SORCS1: variants seen among roughly 807,000 people sequenced by gnomAD.
The protein encoded by SORCS1 is sortilin related VPS10 domain containing receptor 1.
In SORCS1, 60 loss-of-function variants were observed where a neutral mutation model predicts 146.1. The ratio of observed to expected loss-of-function variants is 0.41; its 90% CI spans 0.33 to 0.51. The LOEUF is 0.51. SORCS1 is among the 20% of genes least tolerant of loss of function. The probability of loss-of-function intolerance (pLI) is 0.21; values close to 1 mark genes in which losing one functional copy is unlikely to be tolerated. For missense variants in SORCS1, 1,352 were observed against 1,487.6 expected (o/e 0.91, Z 1.50); for synonymous variants, 637 against 584.0 (o/e 1.09, Z -1.31).
chr10:107,140,869 G>A lies in SORCS1; in HGVS notation c.558+23100C>T, dbSNP rs61867254. ...AGTTTCATTTTATGAATGATGAAAT[G>A]ATCTTGGAAAAATTAAATGACCAGT... On this transcript the variant is annotated intron_variant, in intron 1 of 25. Coordinates refer to ENST00000263054, the MANE Select transcript of SORCS1 (RefSeq NM_052918.5). Among the ~76,000 whole-genome samples the A allele has an allele frequency of 9.2e-3, 1,406 of 152,262 alleles. 11 individuals are homozygous for A. Among genetic ancestry groups the A allele is most frequent in the Middle Eastern group, 0.031 (9 of 294 alleles).
At chr10:107,057,815 T>G (rs1384525844) in intron 1 of SORCS1, among the ~76,000 whole-genome samples, 1 of 152,190 alleles carries the variant, frequency 6.6e-6, no homozygotes, top group Non-Finnish European at 1.5e-5. Flanking sequence ...TTGTGTTTTG[T>G]TTCCTTGTTT....
intron 1 of SORCS1, among the ~76,000 whole-genome samples, chr10:106,992,893 G>A (rs11193148): frequency 0.14 from 18,715 of 130,670 alleles, 4,034 homozygotes; most frequent in African/African-American, 0.48. Context: ...GCACAGTGGC[G>A]CGATCTAGGC....
chr10:106,619,242 G>A (rs945390665), intron 20 of SORCS1, among the ~76,000 whole-genome samples: 2 of 152,132 alleles, frequency 1.3e-5, no homozygotes, highest in African/African-American at 4.8e-5. Context: ...CTGCTCTTCC[G>A]CTATGGATAG....
At chr10:106,604,968 C>T (rs1390478061) in intron 23 of SORCS1, among the ~76,000 whole-genome samples, 1 of 152,240 alleles carries the variant, frequency 6.6e-6, no homozygotes, top group African/African-American at 2.4e-5. Context: ...CTTGTCCTCA[C>T]TTTCCTCATC....
chr10:106,896,152 G>A (rs10884371), intron 2 of SORCS1, among the ~76,000 whole-genome samples: 51,249 of 151,936 alleles, frequency 0.34, 9,272 homozygotes, highest in Non-Finnish European at 0.41. Flanking sequence ...GTAGAGGCCG[G>A]GTGCAGTGGC....
intron 1 of SORCS1, among the ~76,000 whole-genome samples, chr10:107,122,532 G>A (rs1232638515): frequency 6.6e-6 from 1 of 152,194 alleles, no homozygotes; most frequent in Non-Finnish European, 1.5e-5. Context: ...AATAAGGTAA[G>A]ACCCTAATCT....
intron 1 of SORCS1, among the ~76,000 whole-genome samples, chr10:107,005,104 T>G (rs1270923510): frequency 1.8e-4 from 28 of 152,178 alleles, no homozygotes; most frequent in Admixed American, 1.8e-3. Context: ...AAGGAAATAA[T>G]TGAGATATGG....
intron 3 of SORCS1, among the ~76,000 whole-genome samples, chr10:106,787,263 G>C (rs1946099263): frequency 1.3e-5 from 2 of 152,044 alleles, no homozygotes; most frequent in Admixed American, 1.3e-4. Flanking sequence ...ACCAGAAATT[G>C]AAAATAGGAT....
chr10:106,805,745 T>A (rs957702857), intron 3 of SORCS1, among the ~76,000 whole-genome samples: 2 of 152,046 alleles, frequency 1.3e-5, no homozygotes, highest in African/African-American at 4.8e-5. Context: ...TAAATCATAA[T>A]GATGCAAAGG....
chr10:106,692,818 A>G (rs1853398697), intron 9 of SORCS1, among the ~76,000 whole-genome samples: 1 of 152,182 alleles, frequency 6.6e-6, no homozygotes, highest in Admixed American at 6.5e-5. Context: ...CAGTCAAAAC[A>G]CAATCAAAAC....
At chr10:107,058,854 T>G (rs2134100572) in intron 1 of SORCS1, among the ~76,000 whole-genome samples, 1 of 152,322 alleles carries the variant, frequency 6.6e-6, no homozygotes, top group African/African-American at 2.4e-5. Flanking sequence ...TATTTTCAGG[T>G]AATACAATTT....
rs183328731 is a variant in SORCS1 at position 106,732,416 on chromosome 10, C to A, written c.960-2302G>T. Among the ~76,000 whole-genome samples the A allele has an allele frequency of 3.4e-3, 521 of 152,242 alleles. 3 individuals are homozygous for A. Among genetic ancestry groups the A allele is most frequent in the African/African-American group, 0.012 (509 of 41,550 alleles). On this transcript the variant is annotated intron_variant, in intron 5 of 25. Coordinates refer to ENST00000263054, the MANE Select transcript of SORCS1 (RefSeq NM_052918.5). ...AGCATTAACTGGATCCGCAGGTGAC[C>A]TTTTCTGACAAGACTGCAAGTCATG...
chr10:107,093,929 C>G (rs1227199221), intron 1 of SORCS1, among the ~76,000 whole-genome samples: 1 of 152,092 alleles, frequency 6.6e-6, no homozygotes. Flanking sequence ...GAACTTTTTA[C>G]TCACCATTCC....
intron 1 of SORCS1, among the ~76,000 whole-genome samples, chr10:106,997,280 C>A (rs886714270): frequency 6.6e-6 from 1 of 152,200 alleles, no homozygotes; most frequent in East Asian, 1.9e-4. Flanking sequence ...GAGCCACACT[C>A]TGTGTGCCTG....
rs1489001379 is a variant in SORCS1 at position 106,978,188 on chromosome 10, A to G, written c.559-21608T>C. Among the ~76,000 whole-genome samples the G allele has an allele frequency of 2.0e-5, 3 of 151,920 alleles. No individual in the cohort carries two copies. The East Asian group carries it at 5.8e-4, about 29-fold the overall frequency. On this transcript the variant is annotated intron_variant, in intron 1 of 25. Coordinates refer to ENST00000263054, the MANE Select transcript of SORCS1 (RefSeq NM_052918.5). ...GCGAACCCCTGACCTCAGGTTATCCACCCACCTCGGCCTCCCACAGTGCTG... is the reference window on the plus strand; with the variant it reads ...GCGAACCCCTGACCTCAGGTTATCCGCCCACCTCGGCCTCCCACAGTGCTG...
At chr10:106,581,932 T>C (rs1376482947) in intron 24 of SORCS1, among the ~76,000 whole-genome samples, 2 of 152,004 alleles carry the variant, frequency 1.3e-5, no homozygotes, top group Admixed American at 6.6e-5. Context: ...TGGTTAGAGG[T>C]TGAAATAAAG....
chr10:106,864,701 T>C (rs1950161715), intron 2 of SORCS1, among the ~76,000 whole-genome samples: 1 of 151,998 alleles, frequency 6.6e-6, no homozygotes, highest in African/African-American at 2.4e-5. Context: ...TAGCAACAAT[T>C]GCACCTCACT....
In SORCS1 at chr10:106,722,120, T is replaced by TACACACACACACACACACACAC. The variant is rs140882766; in HGVS notation, c.1024+7908_1024+7929dup. Among the ~76,000 whole-genome samples, 163 of 144,354 alleles carry TACACACACACACACACACACAC rather than the reference T, an allele frequency of 1.1e-3. 1 individual carries two copies. Among genetic ancestry groups the TACACACACACACACACACACAC allele is most frequent in the African/African-American group, 4.0e-3 (157 of 38,848 alleles). The allele number at this position is 144,354 out of a possible 152,430, so 94.7% of individuals were successfully genotyped here. ...TGGAGAAATATAGCAAATATATAAA[T>TACACACACACACACACACACAC]ACACACACACACACACACACACACA... On this transcript the variant is annotated intron_variant, in intron 6 of 25. Transcript: ENST00000263054.
At chr10:106,873,873 A>G (rs1273286376) in intron 2 of SORCS1, among the ~76,000 whole-genome samples, 1 of 152,150 alleles carries the variant, frequency 6.6e-6, no homozygotes, top group Non-Finnish European at 1.5e-5. Flanking sequence ...TTCCAAAAAG[A>G]GTCAGTGCCA....
Sources: allele counts gnomAD v4.1 joint callset (sites outside exome capture counted in the v4.1 genomes callset), GRCh38; gene constraint gnomAD v4.1.1; transcripts MANE v1.5; gene names NCBI Gene and HGNC (gene_info 2026-07-23, HGNC 2026-07-21).